Variants in FMN2 observed in about 807,000 individuals in gnomAD.
The protein encoded by FMN2 is formin-2.
In FMN2, 51 loss-of-function variants were observed where a neutral mutation model predicts 142.3. The ratio of observed to expected loss-of-function variants is 0.36; its 90% CI spans 0.29 to 0.45. FMN2 has a LOEUF of 0.45. FMN2 is among the 20% of genes least tolerant of loss of function. The pLI is 1.00. For missense variants in FMN2, 1,936 were observed against 2,122.8 expected, an observed-to-expected ratio of 0.91 and a Z score of 1.73; for synonymous variants, 882 against 869.8, an observed-to-expected ratio of 1.01 and a Z score of -0.25.
intron 6 of FMN2, among the ~76,000 whole-genome samples, chr1:240,242,741 A>C (rs1667952610): frequency 6.6e-6 from 1 of 152,176 alleles, no homozygotes; most frequent in South Asian, 2.1e-4. Flanking sequence ...CAGGACAAAC[A>C]AAGCAAGACG....
intron 7 of FMN2, among the ~76,000 whole-genome samples, chr1:240,293,836 C>A (rs967428366): frequency 6.6e-5 from 10 of 152,124 alleles, no homozygotes; most frequent in African/African-American, 2.4e-4. Flanking sequence ...GATTTCTTAT[C>A]CATCCTGTGC....
chr1:240,447,763 G>A (rs992661358), intron 16 of FMN2, among the ~76,000 whole-genome samples: 1 of 152,076 alleles, frequency 6.6e-6, no homozygotes, highest in Non-Finnish European at 1.5e-5. Context: ...CTTGCGGGGG[G>A]TACAAAATGC....
intron 15 of FMN2, among the ~76,000 whole-genome samples, chr1:240,434,027 T>C (rs1675270200): frequency 6.6e-6 from 1 of 152,230 alleles, no homozygotes; most frequent in African/African-American, 2.4e-5. Flanking sequence ...AGTATATTTG[T>C]ACTGTCTAAT....
At chr1:240,161,709 C>T (rs1664289848) in intron 2 of FMN2, among the ~76,000 whole-genome samples, 1 of 152,040 alleles carries the variant, frequency 6.6e-6, no homozygotes, top group South Asian at 2.1e-4. Context: ...AAAAGTGGCA[C>T]TGAAAAGCAG....
chr1:240,201,743 T>C (rs1473697383), intron 4 of FMN2, among the ~76,000 whole-genome samples: 1 of 152,192 alleles, frequency 6.6e-6, no homozygotes, highest in African/African-American at 2.4e-5. Context: ...AAGTGAATCT[T>C]TTTTTCATAA....
intron 15 of FMN2, among the ~76,000 whole-genome samples, chr1:240,416,962 G>A (rs940089957): frequency 6.6e-6 from 1 of 151,286 alleles, no homozygotes; most frequent in Non-Finnish European, 1.5e-5. Flanking sequence ...TATCCCACTA[G>A]TTTTTAAATG....
intron 8 of FMN2, among the ~76,000 whole-genome samples, chr1:240,297,526 G>T (rs1670028328): frequency 6.6e-6 from 1 of 150,456 alleles, no homozygotes; most frequent in Non-Finnish European, 1.5e-5. Context: ...AATCTGGGAG[G>T]CGGAGGTTGC....
intron 1 of FMN2, among the ~76,000 whole-genome samples, chr1:240,095,785 G>T (rs565378941): frequency 6.6e-6 from 1 of 152,146 alleles, no homozygotes; most frequent in South Asian, 2.1e-4. Context: ...AGTTTAATTT[G>T]CTAAGTATTC....
Position 240,355,862 on chromosome 1 carries a change from G to C in FMN2, c.4812G>C (p.Glu1604Asp). The C allele has an allele frequency of 5.1e-6, 8 of 1,562,432 alleles. No homozygotes were observed. Among genetic ancestry groups the C allele is most frequent in the Non-Finnish European group, 7.0e-6 (8 of 1,149,390 alleles). The change falls in exon 14 of 18, where the codon GAG becomes GAC. Residue 1604 changes from glutamate (E) to aspartate (D), a missense_variant. By Grantham distance (45) the Glu-to-Asp change is conservative (BLOSUM62 2). Coordinates refer to ENST00000319653, the MANE Select transcript of FMN2 (RefSeq NM_020066.5). Reference protein sequence around the residue: ...AGKVYQVSSKEHMQPFKENME... With the variant: ...AGKVYQVSSKDHMQPFKENME... ...AAGTATACCAGGTCTCCTCAAAAGA[G>C]CATATGCAGCCTTTCAAGGAAAACA...
intron 1 of FMN2, among the ~76,000 whole-genome samples, chr1:240,114,009 G>A (rs1208049298): frequency 2.0e-5 from 3 of 152,164 alleles, no homozygotes; most frequent in African/African-American, 4.8e-5. Context: ...TATTGTGAAA[G>A]TGGAATATAC....
At position 240,207,539 on chromosome 1, in the gene FMN2, A is replaced by ACCCCCCCCC. The variant is rs1666417736; in HGVS notation, c.2732_2733insCCCCCCCCC (p.Pro912_Pro914dup). On this transcript the variant is annotated inframe_insertion, in exon 5 of 18. Coordinates refer to ENST00000319653, the MANE Select transcript of FMN2 (RefSeq NM_020066.5). ...CTCTGCAGGGTACAGAAATGCTGCC[A>ACCCCCCCCC]CCCCCTCCCCCTCCTCTTCCCGGAG... 1 of 1,603,132 alleles carries ACCCCCCCCC rather than the reference A, an allele frequency of 6.2e-7. No homozygotes were observed. The highest frequency in any genetic ancestry group is 1.4e-5 in the African/African-American group (1 of 70,446).
In FMN2 at chr1:240,116,941, G is replaced by A. The variant is rs994047022; in HGVS notation, c.1616-6238G>A. Among the ~76,000 whole-genome samples, 9 of 152,150 alleles carry A rather than the reference G, an allele frequency of 5.9e-5. No individual in the cohort carries two copies. In the South Asian group the frequency reaches 6.2e-4, roughly 11 times the overall value. On this transcript the variant is annotated intron_variant, in intron 1 of 17. Coordinates refer to ENST00000319653, the MANE Select transcript of FMN2 (RefSeq NM_020066.5). ...AAGAAATGGAATCGTAGCTGGGAGC[G>A]GAGAGTGATGTGGCTCAAGGGAGGA...
At chr1:240,450,573 C>A (rs1360184988) in intron 16 of FMN2, among the ~76,000 whole-genome samples, 1 of 152,184 alleles carries the variant, frequency 6.6e-6, no homozygotes, top group Non-Finnish European at 1.5e-5. Flanking sequence ...AGCCACGTTC[C>A]ACCTCCGATT....
At chr1:240,144,254 G>A (rs1157476875) in intron 2 of FMN2, 41 of 1,595,284 alleles carry the variant, frequency 2.6e-5, no homozygotes, top group Non-Finnish European at 3.4e-5. Flanking sequence ...ACTCACAAAA[G>A]AGGAGGCCAG....
intron 13 of FMN2, among the ~76,000 whole-genome samples, chr1:240,337,212 T>C (rs895665499): frequency 1.4e-5 from 2 of 141,136 alleles, no homozygotes; most frequent in Non-Finnish European, 1.5e-5. Flanking sequence ...TCTTTTTTTT[T>C]TTTTTTTTTT....
intron 16 of FMN2, 44 bp downstream of exon 16, chr1:240,438,254 T>C: frequency 6.3e-7 from 1 of 1,591,940 alleles, no homozygotes. Flanking sequence ...AACTGGTGTT[T>C]TATTAGGTGT....
intron 14 of FMN2, among the ~76,000 whole-genome samples, chr1:240,359,882 A>G (rs1323364971): frequency 2.0e-5 from 3 of 152,198 alleles, no homozygotes; most frequent in Non-Finnish European, 4.4e-5. Context: ...AAGCTTCATT[A>G]AGAAGGCAGT....
intron 16 of FMN2, among the ~76,000 whole-genome samples, chr1:240,442,365 G>GT (rs1233085721): frequency 6.6e-6 from 1 of 152,194 alleles, no homozygotes; most frequent in Non-Finnish European, 1.5e-5. Flanking sequence ...TGGTACCGTG[G>GT]TTAGCTTAGC....
At chr1:240,452,106 A>C (rs1289201196) in intron 16 of FMN2, among the ~76,000 whole-genome samples, 2 of 151,658 alleles carry the variant, frequency 1.3e-5, no homozygotes, top group Admixed American at 6.6e-5. Context: ...CAGGAGAGTC[A>C]CTTGAACCTG....
Sources: allele counts gnomAD v4.1 joint callset (sites outside exome capture counted in the v4.1 genomes callset), GRCh38; gene constraint gnomAD v4.1.1; transcripts MANE v1.5; gene names NCBI Gene and HGNC (gene_info 2026-07-23, HGNC 2026-07-21).